RBFOX1: variants seen among roughly 807,000 people sequenced by gnomAD.
RBFOX1 encodes RNA binding fox-1 homolog 1.
In RBFOX1, 8 loss-of-function variants were observed where a neutral mutation model predicts 57.7. That is an observed-to-expected ratio of 0.14 (90% CI 0.08 to 0.25). RBFOX1 has a LOEUF of 0.25. Among genes scored for constraint, RBFOX1 ranks in the 10% least tolerant of loss-of-function variants. RBFOX1 has a pLI of 1.00. For missense variants in RBFOX1, 611 were observed against 548.5 expected (o/e 1.11, Z -1.14); for synonymous variants, 326 against 222.4 (o/e 1.47, Z -4.15).
chr16:6,514,186 C>T (rs984444835), intron 2 of RBFOX1, among the ~76,000 whole-genome samples: 1 of 152,134 alleles, frequency 6.6e-6, no homozygotes, highest in Non-Finnish European at 1.5e-5. Flanking sequence ...TACTGAAAGG[C>T]TTATCTCCCA....
intron 11 of RBFOX1, among the ~76,000 whole-genome samples, chr16:7,644,551 C>T (rs1215874648): frequency 6.6e-6 from 1 of 152,194 alleles, no homozygotes; most frequent in African/African-American, 2.4e-5. Flanking sequence ...AACTCTCACC[C>T]GTTTGAGGAT....
At chr16:7,497,195 A>T (rs775230652) in intron 4 of RBFOX1, among the ~76,000 whole-genome samples, 2 of 152,136 alleles carry the variant, frequency 1.3e-5, no homozygotes, top group Non-Finnish European at 2.9e-5. Flanking sequence ...TCATTTTCTG[A>T]TTCTCTTCCT....
intron 2 of RBFOX1, among the ~76,000 whole-genome samples, chr16:6,647,949 C>A (rs1352843676): frequency 3.3e-5 from 5 of 152,118 alleles, no homozygotes; most frequent in African/African-American, 1.2e-4. Context: ...TTAAGTGATT[C>A]TCGTGCGTCA....
chr16:6,198,914 C>T (rs183740143), intron 1 of RBFOX1, among the ~76,000 whole-genome samples: 90 of 151,788 alleles, frequency 5.9e-4, no homozygotes, highest in African/African-American at 2.1e-3. Context: ...CCCTATCATC[C>T]GCTTCTTTTT....
intron 3 of RBFOX1, among the ~76,000 whole-genome samples, chr16:6,938,497 A>T (rs2077749374): frequency 6.6e-6 from 1 of 152,178 alleles, no homozygotes; most frequent in Non-Finnish European, 1.5e-5. Context: ...TCTCATCCAT[A>T]ATATTAATAA....
At chr16:6,714,200 A>G (rs1041322158) in intron 3 of RBFOX1, among the ~76,000 whole-genome samples, 7 of 152,256 alleles carry the variant, frequency 4.6e-5, no homozygotes, top group Non-Finnish European at 1.0e-4. Flanking sequence ...ACTTCTGCCA[A>G]GATTGTAGGT....
intron 1 of RBFOX1, among the ~76,000 whole-genome samples, chr16:6,278,586 T>C (rs1487579309): frequency 2.0e-5 from 3 of 152,078 alleles, no homozygotes; most frequent in African/African-American, 7.2e-5. Context: ...TTTTGAGCTT[T>C]TTCGTAGATT....
intron 4 of RBFOX1, among the ~76,000 whole-genome samples, chr16:7,358,230 A>G (rs982043633): frequency 6.6e-6 from 1 of 152,258 alleles, no homozygotes; most frequent in Non-Finnish European, 1.5e-5. Flanking sequence ...ATACATAACC[A>G]AGTCAGCCTC....
chr16:7,498,023 G>T (rs28591135), intron 4 of RBFOX1, among the ~76,000 whole-genome samples: 1 of 152,206 alleles, frequency 6.6e-6, no homozygotes, highest in Non-Finnish European at 1.5e-5. Context: ...GCTTTAGACA[G>T]ATTCTCTGAG....
intron 3 of RBFOX1, among the ~76,000 whole-genome samples, chr16:6,756,211 T>C (rs2075763098): frequency 1.3e-5 from 2 of 152,158 alleles, no homozygotes; most frequent in African/African-American, 4.8e-5. Context: ...AAAAATTATA[T>C]GGATTGGGGA....
intron 3 of RBFOX1, among the ~76,000 whole-genome samples, chr16:6,810,525 C>G: frequency 6.6e-6 from 1 of 152,052 alleles, no homozygotes; most frequent in Non-Finnish European, 1.5e-5. Context: ...TATGCCCCTC[C>G]AAAAACCTCT....
chr16:7,423,285 A>G (rs2098562012), intron 4 of RBFOX1, among the ~76,000 whole-genome samples: 1 of 152,086 alleles, frequency 6.6e-6, no homozygotes, highest in Non-Finnish European at 1.5e-5. Context: ...GATTTCTCAT[A>G]GTTAACTGAT....
At chr16:6,027,311 C>A (rs1365477482) in intron 1 of RBFOX1, among the ~76,000 whole-genome samples, 2 of 152,092 alleles carry the variant, frequency 1.3e-5, no homozygotes, top group African/African-American at 4.8e-5. Flanking sequence ...AATGGCAAAC[C>A]GAGATTGCAG....
chr16:6,841,792 T>G (rs1368337968), intron 3 of RBFOX1, among the ~76,000 whole-genome samples: 1 of 152,134 alleles, frequency 6.6e-6, no homozygotes, highest in Non-Finnish European at 1.5e-5. Context: ...CTCAAGCCAG[T>G]GAACATCACT....
intron 2 of RBFOX1, among the ~76,000 whole-genome samples, chr16:6,323,607 T>A (rs2082048490): frequency 6.6e-6 from 1 of 152,172 alleles, no homozygotes; most frequent in African/African-American, 2.4e-5. Flanking sequence ...ATACCCCCAA[T>A]CTAGATCAGT....
intron 1 of RBFOX1, among the ~76,000 whole-genome samples, chr16:6,258,497 C>T (rs1307535258): frequency 6.6e-6 from 1 of 152,146 alleles, no homozygotes; most frequent in African/African-American, 2.4e-5. Context: ...AATAATCTTC[C>T]ATCACAATTC....
intron 3 of RBFOX1, among the ~76,000 whole-genome samples, chr16:6,932,622 C>G (rs938152965): frequency 3.3e-5 from 5 of 152,160 alleles, no homozygotes; most frequent in African/African-American, 9.7e-5. Context: ...ACAGGCTGCC[C>G]AAACATCTAG....
At chr16:6,790,829 A>G (rs999149735) in intron 3 of RBFOX1, among the ~76,000 whole-genome samples, 2 of 152,134 alleles carry the variant, frequency 1.3e-5, no homozygotes, top group African/African-American at 4.8e-5. Context: ...TTCAAATCAC[A>G]GTTATTTAAC....
At chr16:6,361,999 A>T (rs2088636570) in intron 2 of RBFOX1, among the ~76,000 whole-genome samples, 1 of 152,204 alleles carries the variant, frequency 6.6e-6, no homozygotes, top group Non-Finnish European at 1.5e-5. Context: ...GAAGAAAACA[A>T]GCAAAGCCTT....
Sources: allele counts gnomAD v4.1 joint callset (sites outside exome capture counted in the v4.1 genomes callset), GRCh38; gene constraint gnomAD v4.1.1; transcripts MANE v1.5; gene names NCBI Gene and HGNC (gene_info 2026-07-23, HGNC 2026-07-21).